Variants in IKZF2 observed in about 807,000 individuals in gnomAD.
IKZF2 encodes the protein zinc finger protein Helios.
Under a neutral mutation model 49.2 loss-of-function variants are expected in IKZF2, and 15 were observed. The observed-to-expected ratio is 0.30, with a 90% CI of 0.20 to 0.47. IKZF2 has a LOEUF of 0.47. IKZF2 is among the 20% of genes least tolerant of loss of function. The pLI is 1.00. For synonymous variants in IKZF2, 227 were observed against 221.4 expected, an observed-to-expected ratio of 1.03 and a Z score of -0.23; for missense variants, 567 against 664.6, an observed-to-expected ratio of 0.85 and a Z score of 1.61.
In IKZF2 at chr2:213,022,088, T is replaced by C; in HGVS notation, c.617A>G (p.Lys206Arg). ...GTGCTCCTCCAGTGAACTGCGCTGC[T>C]TGTAGCTTCGTCCACAGTAGTTGCA... ...HKCNYCGRSYKQRSSLEEHKE... is the reference protein window; with the variant it reads ...HKCNYCGRSYRQRSSLEEHKE... Residue 206 changes from lysine to arginine, a missense_variant, in exon 7 of 9, where the codon AAG (lysine) becomes AGG (arginine). Coordinates refer to ENST00000434687, the MANE Select transcript of IKZF2 (RefSeq NM_001387220.1). The C allele has an allele frequency of 1.2e-6, 2 of 1,613,664 alleles. No homozygotes were observed. The highest frequency in any genetic ancestry group is 1.7e-6 in the Non-Finnish European group (2 of 1,179,760).
At position 213,040,843 on chromosome 2, in the gene IKZF2, C is replaced by T. The variant is rs571222227; in HGVS notation, c.574+8870G>A. 1.9e-4 allele frequency among the ~76,000 whole-genome samples: 29 copies of T among 152,276 alleles called. No homozygotes were observed. The East Asian group carries it at 2.9e-3, about 15-fold the overall frequency. ...CATTAAATAGTCACTTAAGGGTGGG[C>T]GCAGTGGCTCACGCCTGTAATCCCA... On this transcript the variant is annotated intron_variant, in intron 6 of 8. Transcript: ENST00000434687.
chr2:213,143,487 C>A (rs1016759331), intron 4 of IKZF2, among the ~76,000 whole-genome samples: 1 of 150,974 alleles, frequency 6.6e-6, no homozygotes, highest in African/African-American at 2.4e-5. Context: ...CCCTTTTTTT[C>A]TCTTTTGGTA....
chr2:213,055,596 T>C (rs1324170359), intron 5 of IKZF2, among the ~76,000 whole-genome samples: 1 of 152,058 alleles, frequency 6.6e-6, no homozygotes, highest in Non-Finnish European at 1.5e-5. Context: ...CAGCCTTAGT[T>C]TACAGTCATA....
chr2:213,030,802 T>C (rs1206977591), intron 6 of IKZF2, among the ~76,000 whole-genome samples: 1 of 149,532 alleles, frequency 6.7e-6, no homozygotes, highest in African/African-American at 2.5e-5. Context: ...CCAGCATTAG[T>C]ACTATTTTTC....
intron 6 of IKZF2, among the ~76,000 whole-genome samples, chr2:213,029,041 T>C (rs1033417822): frequency 6.6e-6 from 1 of 152,080 alleles, no homozygotes; most frequent in African/African-American, 2.4e-5. Flanking sequence ...TGATATATTA[T>C]CCTTTTTATA....
intron 6 of IKZF2, among the ~76,000 whole-genome samples, chr2:213,033,706 C>T (rs148012591): frequency 4.9e-4 from 75 of 152,290 alleles, no homozygotes; most frequent in African/African-American, 1.7e-3. Context: ...TGTGCTGTCA[C>T]CCAGACTTTG....
chr2:213,056,747 G>T, intron 5 of IKZF2, 86 bp downstream of exon 5: 1 of 1,529,152 alleles, frequency 6.5e-7, no homozygotes, highest in South Asian at 1.1e-5. Context: ...TGCCACCCCT[G>T]AATAAAAAGG....
At chr2:213,111,046 G>A (rs2059689592) in intron 4 of IKZF2, among the ~76,000 whole-genome samples, 1 of 151,914 alleles carries the variant, frequency 6.6e-6, no homozygotes, top group Admixed American at 6.6e-5. Context: ...CATATGAGTT[G>A]CAAATTTTAC....
At chr2:213,053,625 C>G (rs1400372845) in intron 5 of IKZF2, among the ~76,000 whole-genome samples, 2 of 152,068 alleles carry the variant, frequency 1.3e-5, no homozygotes, top group Non-Finnish European at 2.9e-5. Context: ...AACTGAGTTA[C>G]AAGATGGGAG....
intron 4 of IKZF2, among the ~76,000 whole-genome samples, chr2:213,139,592 T>G (rs1236780671): frequency 1.3e-5 from 2 of 151,980 alleles, no homozygotes; most frequent in African/African-American, 4.8e-5. Flanking sequence ...TTAATCAATA[T>G]CTAAACATAA....
intron 5 of IKZF2, among the ~76,000 whole-genome samples, chr2:213,054,158 C>T (rs1700932994): frequency 6.6e-6 from 1 of 151,900 alleles, no homozygotes. Flanking sequence ...GCAGGAGGAT[C>T]GCTTGAACCC....
chr2:213,061,598 A>G (rs1394555204), intron 4 of IKZF2, among the ~76,000 whole-genome samples: 2 of 151,560 alleles, frequency 1.3e-5, no homozygotes, highest in East Asian at 3.9e-4. Flanking sequence ...ATTCATTTAT[A>G]GAACTCATCT....
chr2:213,040,043 G>A (rs1226236614), intron 6 of IKZF2, among the ~76,000 whole-genome samples: 1 of 152,026 alleles, frequency 6.6e-6, no homozygotes, highest in Non-Finnish European at 1.5e-5. Context: ...ATTTTCAAAT[G>A]TATTTGGATG....
At chr2:213,017,086 C>T (rs976221011) in intron 7 of IKZF2, 7 of 152,112 alleles carry the variant, frequency 4.6e-5, no homozygotes, top group Non-Finnish European at 1.0e-4. Flanking sequence ...ATTTTCTTGA[C>T]AGCATTTGGC....
chr2:213,125,015 AT>A lies in IKZF2; in HGVS notation c.139+22692del, dbSNP rs1574932457. Among the ~76,000 whole-genome samples the A allele has an allele frequency of 2.0e-5, 3 of 152,340 alleles. No homozygotes were observed. The East Asian group carries it at 5.8e-4, about 29-fold the overall frequency. On this transcript the variant is annotated intron_variant, in intron 4 of 8. Coordinates refer to ENST00000434687, the MANE Select transcript of IKZF2 (RefSeq NM_001387220.1). ...AATCTTTTCCCCTAATAGAATGGCT[AT>A]ATGGATGACAAGGTTTCTTGATATA... is the stretch of plus-strand genomic sequence containing the variant.
intron 4 of IKZF2, among the ~76,000 whole-genome samples, chr2:213,080,833 T>C (rs373111470): frequency 5.3e-5 from 8 of 151,034 alleles, no homozygotes; most frequent in African/African-American, 2.0e-4. Context: ...GCAACACATA[T>C]GGAAGGAAAA....
intron 4 of IKZF2, among the ~76,000 whole-genome samples, chr2:213,132,087 C>G (rs898921474): frequency 6.6e-6 from 1 of 152,070 alleles, no homozygotes; most frequent in African/African-American, 2.4e-5. Context: ...CTCCAAGAGA[C>G]AAGCACTAAC....
At chr2:213,032,311 T>A (rs1269568322) in intron 6 of IKZF2, among the ~76,000 whole-genome samples, 2 of 152,186 alleles carry the variant, frequency 1.3e-5, no homozygotes, top group Non-Finnish European at 2.9e-5. Flanking sequence ...ATAAAGAATA[T>A]ATCCTGATAA....
chr2:213,064,534 A>T (rs13031364), intron 4 of IKZF2, among the ~76,000 whole-genome samples: 3 of 151,898 alleles, frequency 2.0e-5, no homozygotes, highest in Non-Finnish European at 2.9e-5. Flanking sequence ...TTATTAGCTA[A>T]CACAGTAGCA....
Sources: allele counts gnomAD v4.1 joint callset (sites outside exome capture counted in the v4.1 genomes callset), GRCh38; gene constraint gnomAD v4.1.1; transcripts MANE v1.5; gene names NCBI Gene and HGNC (gene_info 2026-07-23, HGNC 2026-07-21).